The following ANO4 variants were observed in gnomAD, a reference collection of about 807,000 sequenced individuals.
ANO4 encodes the protein anoctamin 4, also known as anoctamin-4.
Under a neutral mutation model 141.9 loss-of-function variants are expected in ANO4, and 69 were observed. The ratio of observed to expected loss-of-function variants is 0.49; its 90% CI spans 0.40 to 0.59. The LOEUF (loss-of-function observed/expected upper bound fraction) is 0.59, where lower values mean the gene tolerates loss of function less well. Ranked by LOEUF, ANO4 falls within the 20% of genes least tolerant of loss-of-function variation. The pLI, the probability that ANO4 is intolerant of heterozygous loss-of-function variation, is 0.00. For missense variants in ANO4, 894 were observed against 1,162.2 expected (o/e 0.77, Z 3.36); for synonymous variants, 350 against 394.3 (o/e 0.89, Z 1.33).
chr12:101,092,372 A>G (rs922226775), intron 17 of ANO4, among the ~76,000 whole-genome samples: 1 of 152,240 alleles, frequency 6.6e-6, no homozygotes, highest in African/African-American at 2.4e-5. Flanking sequence ...TGCCGGTTAC[A>G]GATATTCACA....
At chr12:101,059,358 A>G (rs888003807) in intron 14 of ANO4, among the ~76,000 whole-genome samples, 6 of 152,230 alleles carry the variant, frequency 3.9e-5, no homozygotes, top group African/African-American at 1.4e-4. Flanking sequence ...TTTTGGTATC[A>G]GGATGATCTG....
intron 3 of ANO4, among the ~76,000 whole-genome samples, chr12:100,924,129 G>C (rs994213581): frequency 2.0e-4 from 30 of 152,068 alleles, no homozygotes; most frequent in Admixed American, 6.6e-5. Context: ...CTGTGCAGAA[G>C]CTCTTTAGTT....
intron 2 of ANO4, among the ~76,000 whole-genome samples, chr12:100,906,837 T>C (rs774724363): frequency 9.9e-5 from 15 of 152,146 alleles, no homozygotes; most frequent in Non-Finnish European, 1.9e-4. Context: ...AGGTATCTAC[T>C]CCTCTTTCAG....
chr12:101,057,653 A>G (rs1469871152), intron 14 of ANO4, among the ~76,000 whole-genome samples: 1 of 152,142 alleles, frequency 6.6e-6, no homozygotes, highest in Non-Finnish European at 1.5e-5. Context: ...TTGCCTGTGT[A>G]AATGTCTTCT....
chr12:100,988,965 T>C (rs893409841), intron 8 of ANO4, among the ~76,000 whole-genome samples: 19 of 151,784 alleles, frequency 1.3e-4, no homozygotes, highest in African/African-American at 4.6e-4. Context: ...TGGGGACATA[T>C]TTCAGCAACA....
rs530462224 is a variant in ANO4 at position 100,767,576 on chromosome 12, A to G, written c.358+27471A>G. ...AGTGACTAATGGGCAGGTGGTGTAT[A>G]CAGTAGTATGAATATACTGGATAAA... On this transcript the variant is annotated intron_variant, in intron 3 of 29. Coordinates refer to the ANO4 transcript ENST00000644049. Among the ~76,000 whole-genome samples, 4 of 152,342 alleles carry G rather than the reference A, an allele frequency of 2.6e-5. No individual in the cohort carries two copies. In the Middle Eastern group the frequency reaches 0.01, roughly 389 times the overall value.
intron 7 of ANO4, among the ~76,000 whole-genome samples, chr12:100,983,023 A>T (rs915116514): frequency 1.3e-5 from 2 of 152,224 alleles, no homozygotes. Context: ...TATGCTTTCC[A>T]GCCTAGTGGC....
At chr12:100,718,698 G>A (rs527944291) in intron 1 of ANO4, among the ~76,000 whole-genome samples, 1 of 152,250 alleles carries the variant, frequency 6.6e-6, no homozygotes, top group Non-Finnish European at 1.5e-5. Context: ...ATTTCAGTCT[G>A]GTGGCCTGTT....
chr12:100,975,161 C>T lies in ANO4; in HGVS notation c.602+272C>T, dbSNP rs200931828. Among the ~76,000 whole-genome samples, 201 of 141,148 alleles carry T rather than the reference C, an allele frequency of 1.4e-3. 1 individual carries two copies. Among genetic ancestry groups the T allele is most frequent in the African/African-American group, 4.9e-3 (187 of 38,496 alleles). 92.6% of individuals were successfully genotyped at this position (141,148 alleles called of 152,430 possible). The stretch of plus-strand genomic sequence containing the variant: ...TGGGGCTATTGCTTTTTAGCCCATT[C>T]TTTTTTTTTTTTTTAATTTCAATAG... On this transcript the variant is annotated intron_variant, in intron 7 of 27. Coordinates refer to ENST00000392977, the MANE Select transcript of ANO4 (RefSeq NM_001286615.2).
intron 3 of ANO4, among the ~76,000 whole-genome samples, chr12:100,766,348 C>A (rs1415964986): frequency 1.3e-5 from 2 of 152,008 alleles, no homozygotes; most frequent in Non-Finnish European, 2.9e-5. Context: ...TATTTGAGAT[C>A]TTTCTCTTCT....
chr12:100,889,278 C>A (rs1329791485), intron 1 of ANO4, among the ~76,000 whole-genome samples: 6 of 152,084 alleles, frequency 3.9e-5, no homozygotes, highest in African/African-American at 7.2e-5. Context: ...TCCAGTATAT[C>A]ATTGTCGGAC....
intron 8 of ANO4, among the ~76,000 whole-genome samples, chr12:100,998,865 T>C (rs1048851192): frequency 6.6e-6 from 1 of 152,230 alleles, no homozygotes; most frequent in African/African-American, 2.4e-5. Flanking sequence ...AGGAATATGA[T>C]AGCTAACATT....
chr12:101,014,267 A>G (rs2046225053), intron 8 of ANO4, among the ~76,000 whole-genome samples: 1 of 151,894 alleles, frequency 6.6e-6, no homozygotes, highest in African/African-American at 2.4e-5. Context: ...GAGCAAATAA[A>G]CTCCAGGAGG....
chr12:100,903,817 A>G (rs1325435849), intron 2 of ANO4, among the ~76,000 whole-genome samples: 2 of 152,236 alleles, frequency 1.3e-5, no homozygotes, highest in African/African-American at 2.4e-5. Flanking sequence ...CTTTAATTGC[A>G]TCTACAAAAC....
intron 1 of ANO4, among the ~76,000 whole-genome samples, chr12:100,891,049 G>C (rs1306158673): frequency 6.6e-6 from 1 of 152,050 alleles, no homozygotes; most frequent in African/African-American, 2.4e-5. Context: ...GTAATATGTA[G>C]CCTTTTCAGA....
chr12:101,028,257 G>A (rs1481750954), intron 9 of ANO4, among the ~76,000 whole-genome samples: 1 of 152,080 alleles, frequency 6.6e-6, no homozygotes, highest in East Asian at 1.9e-4. Flanking sequence ...AACCCAAAAG[G>A]ACAGAGTTTC....
chr12:101,055,820 TATTTCA>T (rs1367119722), intron 14 of ANO4, among the ~76,000 whole-genome samples: 4 of 152,206 alleles, frequency 2.6e-5, no homozygotes, highest in African/African-American at 9.6e-5. Flanking sequence ...GTTTATGACT[TATTTCA>T]AGTTGGTTTT....
chr12:101,021,571 C>T (rs2046531476), intron 9 of ANO4, among the ~76,000 whole-genome samples: 1 of 152,138 alleles, frequency 6.6e-6, no homozygotes, highest in Admixed American at 6.5e-5. Flanking sequence ...GCCCAGATGA[C>T]CTGCTCATCA....
At chr12:100,976,397 G>T (rs893700666) in intron 7 of ANO4, among the ~76,000 whole-genome samples, 3 of 152,190 alleles carry the variant, frequency 2.0e-5, no homozygotes, top group Non-Finnish European at 4.4e-5. Context: ...AAGCTTATTG[G>T]CAGTTCTTTC....
Sources: gnomAD v4.1 joint callset for allele counts (sites outside exome capture counted in the v4.1 genomes callset) on GRCh38, gnomAD v4.1.1 for gene constraint, MANE v1.5 for transcripts, NCBI Gene and HGNC (gene_info 2026-07-23, HGNC 2026-07-21) for gene names.